The following ARHGAP10 variants were observed in gnomAD, a reference collection of about 807,000 sequenced individuals.
ARHGAP10 encodes rho GTPase-activating protein 10.
ARHGAP10 carries 87 observed loss-of-function variants against 108.6 expected under a neutral mutation model. The ratio of observed to expected loss-of-function variants is 0.80; its 90% CI spans 0.67 to 0.96. The LOEUF is 0.96. ARHGAP10 is among the 40% of genes least tolerant of loss of function. The pLI is 0.00. For missense variants in ARHGAP10, 939 were observed against 954.5 expected, an observed-to-expected ratio of 0.98 and a Z score of 0.21; for synonymous variants, 347 against 341.1, an observed-to-expected ratio of 1.02 and a Z score of -0.19.
At chr4:147,903,115 A>G (rs1404706009) in intron 10 of ARHGAP10, among the ~76,000 whole-genome samples, 5 of 152,144 alleles carry the variant, frequency 3.3e-5, no homozygotes, top group Non-Finnish European at 5.9e-5. Flanking sequence ...ACCATCCCAC[A>G]TGGCCAGGGA....
At chr4:147,829,257 G>A (rs963628974) in intron 3 of ARHGAP10, among the ~76,000 whole-genome samples, 3 of 151,800 alleles carry the variant, frequency 2.0e-5, no homozygotes, top group African/African-American at 4.8e-5. Flanking sequence ...TTTCACCGTG[G>A]TAGCCAGGTT....
At chr4:148,018,470 A>T (rs974108708) in intron 18 of ARHGAP10, among the ~76,000 whole-genome samples, 1 of 152,156 alleles carries the variant, frequency 6.6e-6, no homozygotes. Context: ...ATTTTAAAGT[A>T]AACAGTTTTA....
intron 3 of ARHGAP10, among the ~76,000 whole-genome samples, chr4:147,839,413 T>G (rs1281083227): frequency 2.6e-5 from 4 of 152,290 alleles, no homozygotes; most frequent in African/African-American, 7.2e-5. Context: ...ATAATGAGTG[T>G]TCTGGGGAAC....
chr4:147,984,549 A>T (rs976546178), intron 18 of ARHGAP10, among the ~76,000 whole-genome samples: 2 of 152,134 alleles, frequency 1.3e-5, no homozygotes, highest in African/African-American at 4.8e-5. Context: ...GGGTCTCCAG[A>T]TCTGGCTGTT....
intron 13 of ARHGAP10, among the ~76,000 whole-genome samples, chr4:147,937,744 C>T (rs532481080): frequency 3.9e-5 from 6 of 152,248 alleles, no homozygotes; most frequent in South Asian, 4.1e-4. Context: ...CTTTGGGAGG[C>T]GGAGGCAGGC....
At chr4:147,980,589 G>C (rs1373167262) in intron 18 of ARHGAP10, among the ~76,000 whole-genome samples, 1 of 152,084 alleles carries the variant, frequency 6.6e-6, no homozygotes, top group African/African-American at 2.4e-5. Context: ...CTATTTTTTG[G>C]AATTGTTCCA....
chr4:148,022,233 T>C (rs1741595492), intron 18 of ARHGAP10, among the ~76,000 whole-genome samples: 1 of 152,248 alleles, frequency 6.6e-6, no homozygotes, highest in African/African-American at 2.4e-5. Context: ...TAGGTATACA[T>C]GTGCCATGGT....
intron 4 of ARHGAP10, among the ~76,000 whole-genome samples, chr4:147,849,666 CT>C: frequency 6.6e-6 from 1 of 152,174 alleles, no homozygotes; most frequent in African/African-American, 2.4e-5. Flanking sequence ...GTTCCCTGTG[CT>C]TTTACCTTCT....
chr4:147,837,281 G>A (rs965218271), intron 3 of ARHGAP10, among the ~76,000 whole-genome samples: 1 of 152,132 alleles, frequency 6.6e-6, no homozygotes, highest in Non-Finnish European at 1.5e-5. Context: ...TCTTGTGTTA[G>A]GAGTATAGAG....
chr4:147,864,946 T>C lies in ARHGAP10; in HGVS notation c.587T>C (p.Phe196Ser). 6.2e-7 allele frequency: 1 copy of C among 1,613,522 alleles called. No individual in the cohort carries two copies. Among genetic ancestry groups the C allele is most frequent in the Non-Finnish European group, 8.5e-7 (1 of 1,179,546 alleles). The change falls in exon 6 of 23, where the codon TTT (phenylalanine) becomes TCT (serine). Residue 196 changes from phenylalanine (F) to serine (S), a missense_variant. Physicochemically the swap from Phe to Ser is radical, Grantham distance 155 (BLOSUM62 -2). Transcript: ENST00000336498. ...QEIQERKKFE[F>S]VEPMLSFFQG... is the part of the protein sequence containing the mutation. ...ATCCAAGAAAGAAAGAAGTTTGAGT[T>C]TGTGGAACCTGTGAGTATTGCCAAG...
chr4:147,753,473 A>G (rs969237946), intron 1 of ARHGAP10, among the ~76,000 whole-genome samples: 3 of 149,776 alleles, frequency 2.0e-5, no homozygotes, highest in Non-Finnish European at 4.4e-5. Context: ...CCTCCTGAGT[A>G]GCTGGGGCTA....
intron 19 of ARHGAP10, among the ~76,000 whole-genome samples, chr4:148,026,425 A>G (rs574604229): frequency 2.0e-5 from 3 of 152,196 alleles, no homozygotes; most frequent in African/African-American, 4.8e-5. Context: ...CCCACTCCCA[A>G]TTGAGAGATG....
intron 7 of ARHGAP10, among the ~76,000 whole-genome samples, chr4:147,872,717 A>G (rs1264736444): frequency 6.6e-6 from 1 of 152,256 alleles, no homozygotes; most frequent in Non-Finnish European, 1.5e-5. Context: ...TGTTATTACA[A>G]AAATCATCAG....
At chr4:147,957,000 A>G (rs1738811077) in intron 16 of ARHGAP10, among the ~76,000 whole-genome samples, 1 of 152,136 alleles carries the variant, frequency 6.6e-6, no homozygotes. Context: ...AGTTTGTTGA[A>G]GGCATCTTTG....
At chr4:147,820,788 A>C (rs1732463192) in intron 1 of ARHGAP10, among the ~76,000 whole-genome samples, 1 of 151,698 alleles carries the variant, frequency 6.6e-6, no homozygotes, top group South Asian at 2.1e-4. Context: ...ATAGGGTTTC[A>C]CCATGTTGGC....
intron 4 of ARHGAP10, among the ~76,000 whole-genome samples, chr4:147,852,232 A>G (rs1733900922): frequency 6.6e-6 from 1 of 152,132 alleles, no homozygotes; most frequent in Admixed American, 6.5e-5. Flanking sequence ...ACCTTTATGG[A>G]CAAATAGTGC....
Position 148,023,355 on chromosome 4 carries a change from A to T in ARHGAP10, c.1809A>T (p.Gln603His), listed in dbSNP as rs759594171. The change falls in exon 19 of 23, where the codon CAA becomes CAT. Residue 603 changes from glutamine (Q) to histidine (H), a missense_variant. Transcript: ENST00000336498. ...PNAPPRQSKR[Q>H]GQRTKRPVAV... is the part of the protein sequence containing the mutation. ...CGCCACCAAGGCAGTCGAAGAGACA[A>T]GGCCAGAGAACCAAGAGGCCCGTGG... is the stretch of plus-strand genomic sequence containing the variant. The T allele has an allele frequency of 6.2e-7, 1 of 1,614,230 alleles. No individual in the cohort carries two copies. Among genetic ancestry groups the T allele is most frequent in the South Asian group, 1.1e-5 (1 of 91,084 alleles).
At chr4:147,793,240 A>G (rs1731189117) in intron 1 of ARHGAP10, among the ~76,000 whole-genome samples, 1 of 151,738 alleles carries the variant, frequency 6.6e-6, no homozygotes, top group African/African-American at 2.4e-5. Flanking sequence ...GTGTGTATAT[A>G]TATGTATGGT....
chr4:147,878,542 C>G (rs1247976029), intron 8 of ARHGAP10, among the ~76,000 whole-genome samples: 1 of 152,064 alleles, frequency 6.6e-6, no homozygotes, highest in Non-Finnish European at 1.5e-5. Flanking sequence ...TTTTGAGAGG[C>G]CAGAATTAAA....
Sources: allele counts gnomAD v4.1 joint callset (sites outside exome capture counted in the v4.1 genomes callset), GRCh38; gene constraint gnomAD v4.1.1; transcripts MANE v1.5; gene names NCBI Gene and HGNC (gene_info 2026-07-23, HGNC 2026-07-21).